The following ROBO2 variants were observed in gnomAD, a reference collection of about 807,000 sequenced individuals.
ROBO2 encodes the protein roundabout homolog 2.
In ROBO2, 53 loss-of-function variants were observed where a neutral mutation model predicts 160.8. That is an observed-to-expected ratio of 0.33 (90% CI 0.26 to 0.41). The LOEUF is 0.41. ROBO2 is among the 10% of genes least tolerant of loss of function. The pLI, the probability that ROBO2 is intolerant of heterozygous loss-of-function variation, is 1.00. For synonymous variants in ROBO2, 664 were observed against 611.7 expected, an observed-to-expected ratio of 1.09 and a Z score of -1.26; for missense variants, 1,577 against 1,722.4, an observed-to-expected ratio of 0.92 and a Z score of 1.49.
At chr3:77,326,872 T>C (rs1020536925) in intron 2 of ROBO2, among the ~76,000 whole-genome samples, 7 of 152,226 alleles carry the variant, frequency 4.6e-5, no homozygotes, top group Non-Finnish European at 1.0e-4. Context: ...GTTGTTTTTC[T>C]TCCTTACTGC....
At position 76,239,955 on chromosome 3, in the gene ROBO2, T is replaced by A. The variant is rs41348146; in HGVS notation, c.109+302353T>A. Among the ~76,000 whole-genome samples, 628 of 151,950 alleles carry A rather than the reference T, an allele frequency of 4.1e-3. 7 individuals are homozygous for A. The highest frequency in any genetic ancestry group is 0.025 in the Admixed American group (387 of 15,258). On this transcript the variant is annotated intron_variant, in intron 2 of 26. Transcript: ENST00000487694. ...GTGTAAATGGGGCTTTGCAGGCACGTTGGGAGTGAAACAGGCAGGAGGAAG... is the reference window on the plus strand; with the variant it reads ...GTGTAAATGGGGCTTTGCAGGCACGATGGGAGTGAAACAGGCAGGAGGAAG...
intron 2 of ROBO2, among the ~76,000 whole-genome samples, chr3:76,399,274 G>A (rs1048585789): frequency 2.8e-5 from 4 of 143,022 alleles, no homozygotes; most frequent in African/African-American, 1.1e-4. Flanking sequence ...ACTGTCTGCT[G>A]TGTGCCAGAT....
intron 2 of ROBO2, among the ~76,000 whole-genome samples, chr3:75,940,939 A>G (rs1373539195): frequency 6.6e-6 from 1 of 152,066 alleles, no homozygotes; most frequent in African/African-American, 2.4e-5. Context: ...AGAACCAAGA[A>G]CTTATTTCTA....
At chr3:77,400,789 T>A (rs2075728348) in intron 2 of ROBO2, among the ~76,000 whole-genome samples, 1 of 151,724 alleles carries the variant, frequency 6.6e-6, no homozygotes, top group Admixed American at 6.6e-5. Flanking sequence ...GATCTTCACT[T>A]CAGAGACGAG....
exon 23 of ROBO2, chr3:77,622,365 C>T: frequency 6.2e-7 from 1 of 1,613,916 alleles, no homozygotes; most frequent in Non-Finnish European, 8.5e-7. Flanking sequence ...TAGAAATCCC[C>T]AGGCCCCTGA....
intron 2 of ROBO2, among the ~76,000 whole-genome samples, chr3:77,342,136 A>C (rs1487988554): frequency 6.6e-6 from 1 of 152,180 alleles, no homozygotes; most frequent in Non-Finnish European, 1.5e-5. Flanking sequence ...ACAATTATAC[A>C]GTATGTGTTC....
intron 2 of ROBO2, among the ~76,000 whole-genome samples, chr3:76,443,612 A>T (rs768188437): frequency 6.6e-5 from 10 of 152,160 alleles, no homozygotes; most frequent in Non-Finnish European, 1.2e-4. Flanking sequence ...AGGGTCTACC[A>T]TGTACAAGGT....
At chr3:76,433,922 G>A (rs2076549572) in intron 2 of ROBO2, 1 of 631,198 alleles carries the variant, frequency 1.6e-6, no homozygotes, top group Non-Finnish European at 2.9e-6. Flanking sequence ...TTTGTGATTT[G>A]AATTTATTTA....
At position 75,964,459 on chromosome 3, in the gene ROBO2, CA is replaced by C. The variant is rs551176720; in HGVS notation, c.109+26863del. ...CCCTGATTTTTCTGACTATGGTTCA[CA>C]AAAAATCCGTAAGATAAAATACAAT... On this transcript the variant is annotated intron_variant, in intron 2 of 26. Transcript: ENST00000487694. Among the ~76,000 whole-genome samples, 11 of 151,638 alleles carry C rather than the reference CA, an allele frequency of 7.3e-5. No individual in the cohort carries two copies. The East Asian group carries it at 2.2e-3, about 30-fold the overall frequency.
At chr3:75,996,449 G>A (rs968792347) in intron 2 of ROBO2, among the ~76,000 whole-genome samples, 5 of 152,136 alleles carry the variant, frequency 3.3e-5, no homozygotes, top group Non-Finnish European at 7.3e-5. Flanking sequence ...CCAGCCATGT[G>A]GAACTGTGAG....
rs1560407627 is a variant in ROBO2 at position 77,277,156 on chromosome 3, C to CCTTCTTTCTTTCTTTCTTTCTTT, written c.388+178820_388+178842dup. 1.4e-4 allele frequency among the ~76,000 whole-genome samples: 15 copies of CCTTCTTTCTTTCTTTCTTTCTTT among 108,530 alleles called. 1 individual carries two copies. The highest frequency in any genetic ancestry group is 5.2e-4 in the African/African-American group (15 of 28,578). 71.2% of individuals were successfully genotyped at this position (108,530 alleles called of 152,430 possible). A position where few individuals can be genotyped will look rare whatever the true frequency, so the allele number is the denominator to read the frequency against. On this transcript the variant is annotated intron_variant, in intron 2 of 25. Transcript: ENST00000461745. ...TCCTTTCTTCCTTCTTTCCTTCTTT[C>CCTTCTTTCTTTCTTTCTTTCTTT]CTTCTTTCTTTCTTTCTTTCTTTCT...
chr3:77,304,775 A>G (rs1393989667), intron 2 of ROBO2, among the ~76,000 whole-genome samples: 1 of 152,158 alleles, frequency 6.6e-6, no homozygotes, highest in Non-Finnish European at 1.5e-5. Context: ...TTCTGGTTGA[A>G]TAACAGCATG....
chr3:77,342,385 C>T (rs765410195), intron 2 of ROBO2, among the ~76,000 whole-genome samples: 15 of 151,888 alleles, frequency 9.9e-5, no homozygotes, highest in African/African-American at 1.7e-4. Flanking sequence ...GTGGGGTCAC[C>T]GTAAAACAAA....
chr3:76,383,667 C>T (rs1436372406), intron 2 of ROBO2, among the ~76,000 whole-genome samples: 4 of 151,706 alleles, frequency 2.6e-5, no homozygotes, highest in Non-Finnish European at 4.4e-5. Flanking sequence ...TCTGATGTGC[C>T]GCAACTGCCA....
intron 2 of ROBO2, among the ~76,000 whole-genome samples, chr3:77,333,556 A>G (rs1264876791): frequency 6.6e-6 from 1 of 152,216 alleles, no homozygotes; most frequent in African/African-American, 2.4e-5. Context: ...CTATTATAAT[A>G]AACAATAAAA....
intron 2 of ROBO2, among the ~76,000 whole-genome samples, chr3:76,175,671 T>G (rs138775770): frequency 4.1e-4 from 63 of 152,218 alleles, no homozygotes; most frequent in African/African-American, 1.4e-3. Flanking sequence ...GGTTCCTGAC[T>G]TTGCCCTAGT....
chr3:76,941,619 T>C (rs2078194055), intron 2 of ROBO2, among the ~76,000 whole-genome samples: 1 of 152,214 alleles, frequency 6.6e-6, no homozygotes, highest in South Asian at 2.1e-4. Context: ...CCATGTCTTA[T>C]GCAGCTAACT....
At chr3:77,171,509 T>A (rs1471390896) in intron 2 of ROBO2, among the ~76,000 whole-genome samples, 4 of 152,012 alleles carry the variant, frequency 2.6e-5, no homozygotes, top group Non-Finnish European at 5.9e-5. Context: ...TCAAATGGAC[T>A]GGAAAGTAGA....
chr3:77,211,718 T>A (rs1416012197), intron 2 of ROBO2, among the ~76,000 whole-genome samples: 2 of 152,240 alleles, frequency 1.3e-5, no homozygotes, highest in African/African-American at 4.8e-5. Flanking sequence ...GTCTAACATT[T>A]AAGTCTTTAA....
Sources: allele counts gnomAD v4.1 joint callset (sites outside exome capture counted in the v4.1 genomes callset), GRCh38; gene constraint gnomAD v4.1.1; transcripts MANE v1.5; gene names NCBI Gene and HGNC (gene_info 2026-07-23, HGNC 2026-07-21).